The following NCOA1 variants were observed in gnomAD, a reference collection of about 807,000 sequenced individuals.
The protein encoded by NCOA1 is nuclear receptor coactivator 1.
A neutral mutation model predicts 150.9 loss-of-function variants in NCOA1; 35 were observed. The observed-to-expected ratio is 0.23, with a 90% confidence interval of 0.18 to 0.31. NCOA1 has a LOEUF of 0.31. NCOA1 is among the 10% of genes least tolerant of loss of function. The pLI, the probability that NCOA1 is intolerant of heterozygous loss-of-function variation, is 1.00. For synonymous variants in NCOA1, 590 were observed against 630.0 expected, an observed-to-expected ratio of 0.94 and a Z score of 0.95; for missense variants, 1,491 against 1,749.3, an observed-to-expected ratio of 0.85 and a Z score of 2.63.
chr2:24,683,381 T>C (rs1196066907), intron 8 of NCOA1, among the ~76,000 whole-genome samples: 2 of 152,198 alleles, frequency 1.3e-5, no homozygotes, highest in Non-Finnish European at 2.9e-5. Flanking sequence ...ATTTTGATTA[T>C]GTTCAAGAAA....
chr2:24,522,740 G>A (rs1236481282), intron 1 of NCOA1, among the ~76,000 whole-genome samples: 1 of 152,178 alleles, frequency 6.6e-6, no homozygotes, highest in Non-Finnish European at 1.5e-5. Flanking sequence ...CGATGGAAAA[G>A]ATGAAGTAAA....
At chr2:24,739,840 C>T (rs1211698471) in intron 18 of NCOA1, among the ~76,000 whole-genome samples, 1 of 152,092 alleles carries the variant, frequency 6.6e-6, no homozygotes, top group African/African-American at 2.4e-5. Context: ...GCCTCTGATA[C>T]GAAACTGTGT....
intron 1 of NCOA1, among the ~76,000 whole-genome samples, chr2:24,527,301 ACCAACATCAT>A (rs765918558): frequency 7.9e-5 from 12 of 152,152 alleles, no homozygotes; most frequent in Non-Finnish European, 1.5e-4. Context: ...GTATCTTTTG[ACCAACATCAT>A]CCAGTTTCCT....
intron 1 of NCOA1, among the ~76,000 whole-genome samples, chr2:24,530,880 T>C (rs1319118892): frequency 1.3e-5 from 2 of 152,194 alleles, no homozygotes; most frequent in African/African-American, 2.4e-5. Context: ...CAAAGTCTTA[T>C]GGAGATTTCT....
chr2:24,499,273 A>T (rs983157302), intron 1 of NCOA1, among the ~76,000 whole-genome samples: 1 of 152,122 alleles, frequency 6.6e-6, no homozygotes, highest in African/African-American at 2.4e-5. Flanking sequence ...TGTTTTATAT[A>T]TTGTTACTGA....
chr2:24,677,596 G>A (rs1369183342), intron 7 of NCOA1, among the ~76,000 whole-genome samples: 2 of 152,050 alleles, frequency 1.3e-5, no homozygotes, highest in Non-Finnish European at 2.9e-5. Context: ...GCTAATTTTT[G>A]TATTTTTAGT....
chr2:24,514,407 T>A (rs1284499948), intron 1 of NCOA1, among the ~76,000 whole-genome samples: 2 of 152,048 alleles, frequency 1.3e-5, no homozygotes, highest in African/African-American at 4.8e-5. Flanking sequence ...ATTACTCGAT[T>A]AAGCTCTATG....
At position 24,536,527 on chromosome 2, in the gene NCOA1, G is replaced by T. The variant is rs578256768; in HGVS notation, c.-395-27768G>T. Among the ~76,000 whole-genome samples, 33 of 152,312 alleles carry T rather than the reference G, an allele frequency of 2.2e-4. 1 individual carries two copies. In the South Asian group the frequency reaches 6.8e-3, roughly 32 times the overall value. Reference sequence around the variant, plus strand: ...GAAGCTGCAATTCTTTGGAGAAGAAGAGTCGCTCTGGTTTTTAGAAACCAG... The same window carrying T: ...GAAGCTGCAATTCTTTGGAGAAGAATAGTCGCTCTGGTTTTTAGAAACCAG... On this transcript the variant is annotated intron_variant, in intron 1 of 22. Coordinates refer to ENST00000348332, the MANE Select transcript of NCOA1 (RefSeq NM_003743.5).
chr2:24,493,332 G>C (rs951576383), intron 1 of NCOA1, among the ~76,000 whole-genome samples: 2 of 152,160 alleles, frequency 1.3e-5, no homozygotes, highest in African/African-American at 4.8e-5. Context: ...TCACAGAGAG[G>C]GTCTGAGTTG....
chr2:24,509,669 A>G (rs1663848595), intron 1 of NCOA1, among the ~76,000 whole-genome samples: 1 of 152,212 alleles, frequency 6.6e-6, no homozygotes, highest in Non-Finnish European at 1.5e-5. Context: ...GTTGCATGTC[A>G]GAGGTTGCTT....
At chr2:24,551,519 A>G (rs769215157) in intron 1 of NCOA1, among the ~76,000 whole-genome samples, 13 of 152,058 alleles carry the variant, frequency 8.5e-5, no homozygotes, top group Non-Finnish European at 1.8e-4. Flanking sequence ...ATATATAAAA[A>G]CTCTCCGTCA....
chr2:24,629,684 A>G (rs1277371068), intron 3 of NCOA1, among the ~76,000 whole-genome samples: 2 of 150,534 alleles, frequency 1.3e-5, no homozygotes, highest in Non-Finnish European at 3.0e-5. Context: ...TGATGCCGCA[A>G]TCATTTGTTA....
intron 1 of NCOA1, among the ~76,000 whole-genome samples, chr2:24,492,526 G>T (rs1014071513): frequency 2.1e-4 from 32 of 152,196 alleles, no homozygotes; most frequent in Non-Finnish European, 7.4e-5. Flanking sequence ...GCCTGTGTGT[G>T]TGTGACAAGG....
chr2:24,606,192 T>C (rs1423278045), intron 3 of NCOA1, among the ~76,000 whole-genome samples: 1 of 152,018 alleles, frequency 6.6e-6, no homozygotes, highest in East Asian at 1.9e-4. Context: ...TTGTGAATGA[T>C]ATTTATACCT....
intron 3 of NCOA1, among the ~76,000 whole-genome samples, chr2:24,598,874 A>G (rs971221497): frequency 6.6e-6 from 1 of 152,188 alleles, no homozygotes; most frequent in African/African-American, 2.4e-5. Context: ...TCGTTCAAAT[A>G]ATCAAGATAC....
intron 3 of NCOA1, among the ~76,000 whole-genome samples, chr2:24,621,287 C>G (rs1339254748): frequency 6.6e-6 from 1 of 151,784 alleles, no homozygotes; most frequent in Non-Finnish European, 1.5e-5. Context: ...TTCCTTTGTC[C>G]CCTTATTATA....
chr2:24,641,952 T>G (rs1194661090), intron 3 of NCOA1, among the ~76,000 whole-genome samples: 2 of 151,862 alleles, frequency 1.3e-5, no homozygotes, highest in Non-Finnish European at 2.9e-5. Flanking sequence ...TCTGCCCCAG[T>G]GTCTTTCGCC....
At chr2:24,740,188 C>G (rs759131227) in intron 18 of NCOA1, among the ~76,000 whole-genome samples, 33 of 152,070 alleles carry the variant, frequency 2.2e-4, no homozygotes, top group Non-Finnish European at 1.5e-4. Flanking sequence ...CTTTTCCTCT[C>G]CACAATATGG....
rs564812809 is a variant in NCOA1, at chr2:24,741,816, T to A, written c.3336T>A (p.Arg1112=). The A allele has an allele frequency of 6.2e-7, 1 of 1,613,800 alleles. No homozygotes were observed. The highest frequency in any genetic ancestry group is 1.7e-5 in the Admixed American group (1 of 59,930). ...TGAATGCTCAAATGTTGGCACAACG[T>A]CAGCGGGAACTGTACAGTCAACAGC... ...PPLNAQMLAQ[R]QRELYSQQHR... The change falls in exon 19 of 23, where the codon CGT becomes CGA. Residue 1112 remains arginine (R), a synonymous_variant. Coordinates refer to ENST00000348332, the MANE Select transcript of NCOA1 (RefSeq NM_003743.5).
Sources: allele counts gnomAD v4.1 joint callset (sites outside exome capture counted in the v4.1 genomes callset), GRCh38; gene constraint gnomAD v4.1.1; transcripts MANE v1.5; gene names NCBI Gene and HGNC (gene_info 2026-07-23, HGNC 2026-07-21).